HACL1: variants seen among roughly 807,000 people sequenced by gnomAD.
The protein encoded by HACL1 is 1600020H07Rik.
A neutral mutation model predicts 74.2 loss-of-function variants in HACL1; 64 were observed. The ratio of observed to expected loss-of-function variants is 0.86; its 90% confidence interval spans 0.70 to 1.06. The LOEUF is 1.06. Among genes scored for constraint, HACL1 ranks in the 50% least tolerant of loss-of-function variants. HACL1 has a pLI of 0.00. For synonymous variants in HACL1, 230 were observed against 238.8 expected (o/e 0.96, Z 0.34); for missense variants, 728 against 719.7 (o/e 1.01, Z -0.13).
intron 2 of HACL1, among the ~76,000 whole-genome samples, chr3:15,598,939 T>C (rs2064124834): frequency 6.6e-6 from 1 of 152,198 alleles, no homozygotes; most frequent in Admixed American, 6.5e-5. Context: ...TCCCTCTATA[T>C]TCCCAGTCTC....
intron 7 of HACL1, among the ~76,000 whole-genome samples, chr3:15,584,815 T>C (rs1194567009): frequency 6.6e-6 from 1 of 152,196 alleles, no homozygotes; most frequent in Non-Finnish European, 1.5e-5. Flanking sequence ...AATATGAGAA[T>C]ATGAGAAATC....
intron 3 of HACL1, 83 bp downstream of exon 3, chr3:15,596,301 A>G: frequency 1.3e-6 from 1 of 755,576 alleles, no homozygotes; most frequent in East Asian, 2.6e-5. Flanking sequence ...ATCTTTCCAA[A>G]TGAACTCATC....
intron 6 of HACL1, 89 bp from the exon 7 acceptor site, chr3:15,585,431 C>T (rs1184196677): frequency 1.3e-6 from 1 of 762,578 alleles, no homozygotes; most frequent in Non-Finnish European, 2.2e-6. Context: ...GGAAAATGAA[C>T]ACTTTTCATT....
chr3:15,592,232 A>G (rs1200439983), intron 3 of HACL1, among the ~76,000 whole-genome samples: 1 of 150,790 alleles, frequency 6.6e-6, no homozygotes, highest in Non-Finnish European at 1.5e-5. Context: ...ATACATACGT[A>G]TATACGTATA....
chr3:15,592,528 A>G lies in HACL1; in HGVS notation c.228-848T>C, dbSNP rs1344565692. ...TGTATATACACTTGTATACATATAC[A>G]CATGTATACACATGTACGCACATGT... On this transcript the variant is annotated intron_variant, in intron 3 of 16. Coordinates refer to ENST00000321169, the MANE Select transcript of HACL1 (RefSeq NM_012260.4). Among the ~76,000 whole-genome samples the G allele has an allele frequency of 4.1e-5, 6 of 145,044 alleles. No individual in the cohort carries two copies. In the South Asian group the frequency reaches 1.1e-3, roughly 26 times the overall value.
intron 13 of HACL1, 27 bp from the exon 14 acceptor site, chr3:15,568,029 A>G (rs1202699227): frequency 6.2e-7 from 1 of 1,609,020 alleles, no homozygotes. Context: ...TTAAAATGAA[A>G]CCCTCTGGGG....
chr3:15,568,998 GA>G, intron 12 of HACL1, among the ~76,000 whole-genome samples: 1 of 152,284 alleles, frequency 6.6e-6, no homozygotes, highest in East Asian at 1.9e-4. Flanking sequence ...TCTGAACTAT[GA>G]CCCTAAACTT....
At position 15,573,405 on chromosome 3, in the gene HACL1, T is replaced by C. The variant is rs577999469; in HGVS notation, c.910-163A>G. Reference sequence around the variant, plus strand: ...AAAAAAGTAAAAGTCCATAGAACTATATTAGTATCATAGCTAGTATAGAGA... The same window carrying C: ...AAAAAAGTAAAAGTCCATAGAACTACATTAGTATCATAGCTAGTATAGAGA... On this transcript the variant is annotated intron_variant, in intron 10 of 16. Transcript: ENST00000321169. Among the ~76,000 whole-genome samples the C allele has an allele frequency of 6.6e-5, 10 of 152,366 alleles. No individual in the cohort carries two copies. The South Asian group carries it at 1.4e-3, about 22-fold the overall frequency.
At chr3:15,592,371 C>A (rs115846098) in intron 3 of HACL1, among the ~76,000 whole-genome samples, 1 of 138,648 alleles carries the variant, frequency 7.2e-6, no homozygotes, top group Non-Finnish European at 1.5e-5. Context: ...TGTATACATA[C>A]AGACACACGT....
intron 14 of HACL1, among the ~76,000 whole-genome samples, chr3:15,566,858 G>A (rs565621626): frequency 1.8e-4 from 23 of 125,378 alleles, no homozygotes; most frequent in Admixed American, 4.9e-4. Context: ...TTGCTCTGTC[G>A]CCCAGGCTAG....
intron 9 of HACL1, among the ~76,000 whole-genome samples, chr3:15,578,515 GC>G (rs1394206350): frequency 6.6e-6 from 1 of 152,200 alleles, no homozygotes; most frequent in Non-Finnish European, 1.5e-5. Context: ...CTCAAAGGCA[GC>G]CCTAGTTGCA....
chr3:15,601,163 A>G lies in HACL1; in HGVS notation c.113T>C (p.Ile38Thr). ...DVEYIFGIVG[I>T]PVTEIAIAAQ... The stretch of plus-strand genomic sequence containing the variant: ...AGCAATGGCGATTTCGGTCACTGGG[A>G]TGCCTACGATGCCAAATATGTACTC... Residue 38 changes from isoleucine to threonine, a missense_variant, in exon 2 of 17, where the codon ATC becomes ACC. By Grantham distance (89) the Ile-to-Thr change is moderately conservative. Coordinates refer to ENST00000321169, the MANE Select transcript of HACL1 (RefSeq NM_012260.4). 6.2e-7 allele frequency: 1 copy of G among 1,613,588 alleles called. No individual in the cohort carries two copies. The highest frequency in any genetic ancestry group is 8.5e-7 in the Non-Finnish European group (1 of 1,179,470).
intron 8 of HACL1, 105 bp downstream of exon 8, chr3:15,582,772 T>C (rs1210128809): frequency 1.7e-6 from 1 of 600,172 alleles, no homozygotes; most frequent in East Asian, 2.9e-5. Flanking sequence ...AGAATTCTTA[T>C]TCCAATCTCA....
chr3:15,571,819 CCTTT>C (rs2063536182), intron 11 of HACL1, 50 bp from the exon 12 acceptor site: 5 of 477,984 alleles, frequency 1.0e-5, no homozygotes, highest in Non-Finnish European at 1.8e-5. Context: ...TTTTTCTTTG[CCTTT>C]TTTTTCTTTT....
intron 4 of HACL1, among the ~76,000 whole-genome samples, 186 bp from the exon 5 acceptor site, chr3:15,589,798 G>C (rs570080059): frequency 4.2e-4 from 64 of 152,248 alleles, no homozygotes; most frequent in Non-Finnish European, 7.5e-4. Flanking sequence ...ACTTTGGGAG[G>C]CCAAGGTGGG....
intron 10 of HACL1, among the ~76,000 whole-genome samples, chr3:15,574,481 A>G (rs1216683815): frequency 2.0e-5 from 3 of 152,214 alleles, no homozygotes; most frequent in African/African-American, 7.2e-5. Flanking sequence ...AAAATGGCTT[A>G]TAAGGTGGGT....
intron 15 of HACL1, 127 bp downstream of exon 15, chr3:15,564,424 A>G: frequency 1.7e-6 from 1 of 594,260 alleles, no homozygotes; most frequent in Non-Finnish European, 3.0e-6. Context: ...TCTCTTTAGA[A>G]GGGCTGACAA....
chr3:15,593,188 C>CATAT, intron 3 of HACL1, among the ~76,000 whole-genome samples: 1 of 148,724 alleles, frequency 6.7e-6, no homozygotes, highest in South Asian at 2.1e-4. Flanking sequence ...TATATACACA[C>CATAT]ATATATATGT....
chr3:15,562,898 A>G (rs977718944), intron 16 of HACL1, among the ~76,000 whole-genome samples: 1 of 152,064 alleles, frequency 6.6e-6, no homozygotes, highest in Non-Finnish European at 1.5e-5. Context: ...CCTGTTGCAC[A>G]TCTCTTCCCT....
Sources: gnomAD v4.1 joint callset for allele counts (sites outside exome capture counted in the v4.1 genomes callset) on GRCh38, gnomAD v4.1.1 for gene constraint, MANE v1.5 for transcripts, NCBI Gene and HGNC (gene_info 2026-07-23, HGNC 2026-07-21) for gene names.